NR6A1: variants seen among roughly 807,000 people sequenced by gnomAD.
NR6A1 encodes nuclear receptor subfamily 6 group A member 1, also known as retinoic acid receptor-related testis-associated receptor.
In NR6A1, 7 loss-of-function variants were observed where a neutral mutation model predicts 59.1. That is an observed-to-expected ratio of 0.12 (90% CI 0.07 to 0.22). The LOEUF (loss-of-function observed/expected upper bound fraction) is 0.22. NR6A1 is among the 10% of genes least tolerant of loss of function. NR6A1 has a pLI of 1.00. For synonymous variants in NR6A1, 243 were observed against 236.1 expected, an observed-to-expected ratio of 1.03 and a Z score of -0.27; for missense variants, 468 against 611.6, an observed-to-expected ratio of 0.77 and a Z score of 2.48.
At chr9:124,672,859 CTT>C (rs1837836747) in intron 2 of NR6A1, among the ~76,000 whole-genome samples, 1 of 151,680 alleles carries the variant, frequency 6.6e-6, no homozygotes, top group Admixed American at 6.6e-5. Context: ...GAGGGGCAGA[CTT>C]AATGAATCTT....
intron 2 of NR6A1, among the ~76,000 whole-genome samples, chr9:124,583,890 A>G (rs1834843783): frequency 6.6e-6 from 1 of 152,154 alleles, no homozygotes; most frequent in Non-Finnish European, 1.5e-5. Context: ...TATTGCTATC[A>G]GTATGCCCCG....
chr9:124,554,684 G>A (rs1272816498), intron 2 of NR6A1, 114 bp from the exon 3 acceptor site: 94 of 1,329,324 alleles, frequency 7.1e-5, no homozygotes, highest in Non-Finnish European at 9.8e-5. Context: ...CAGGCTAAAG[G>A]GCAAACAGGG....
chr9:124,710,817 A>G (rs1202773088), intron 2 of NR6A1, among the ~76,000 whole-genome samples: 2 of 152,230 alleles, frequency 1.3e-5, no homozygotes, highest in Non-Finnish European at 2.9e-5. Flanking sequence ...GAAATCTTAC[A>G]GTTCTCAGAA....
intron 2 of NR6A1, among the ~76,000 whole-genome samples, chr9:124,577,632 T>C (rs1344353499): frequency 1.3e-5 from 2 of 152,250 alleles, no homozygotes; most frequent in African/African-American, 4.8e-5. Flanking sequence ...GTAACCTCTA[T>C]ACTACAGCTG....
At chr9:124,682,454 T>G (rs1838196057) in intron 2 of NR6A1, among the ~76,000 whole-genome samples, 1 of 152,224 alleles carries the variant, frequency 6.6e-6, no homozygotes, top group Non-Finnish European at 1.5e-5. Flanking sequence ...AACAGTATAT[T>G]GTAACAGACA....
At chr9:124,540,352 C>T (rs1588650490) in intron 4 of NR6A1, among the ~76,000 whole-genome samples, 165 bp from the exon 5 acceptor site, 1 of 152,214 alleles carries the variant, frequency 6.6e-6, no homozygotes, top group East Asian at 1.9e-4. Context: ...GGCGTGGCTT[C>T]CTTCCTACTG....
At chr9:124,765,224 A>G (rs1840897207) in intron 1 of NR6A1, among the ~76,000 whole-genome samples, 1 of 152,216 alleles carries the variant, frequency 6.6e-6, no homozygotes, top group African/African-American at 2.4e-5. Flanking sequence ...CCCTGAATGA[A>G]AACTACTCCA....
chr9:124,540,928 C>T (rs1833423584), intron 4 of NR6A1, among the ~76,000 whole-genome samples: 1 of 152,096 alleles, frequency 6.6e-6, no homozygotes, highest in African/African-American at 2.4e-5. Context: ...ACATGCCCCG[C>T]CCCCAGCCCC....
intron 2 of NR6A1, chr9:124,595,689 G>T: frequency 1.2e-6 from 1 of 843,576 alleles, no homozygotes; most frequent in Non-Finnish European, 1.7e-6. Flanking sequence ...AAGGCTATTT[G>T]CTCTAAACCT....
intron 2 of NR6A1, among the ~76,000 whole-genome samples, chr9:124,613,393 T>TACC (rs1371263222): frequency 6.6e-6 from 1 of 151,348 alleles, no homozygotes; most frequent in Non-Finnish European, 1.5e-5. Context: ...ACACCTATAA[T>TACC]ACCACCACTT....
At chr9:124,762,283 C>T (rs1285489138) in intron 1 of NR6A1, among the ~76,000 whole-genome samples, 3 of 152,040 alleles carry the variant, frequency 2.0e-5, no homozygotes, top group Non-Finnish European at 4.4e-5. Flanking sequence ...TTTGATAATC[C>T]ATTTAAATTT....
chr9:124,526,440 C>G (rs1423387635), intron 8 of NR6A1, among the ~76,000 whole-genome samples: 1 of 152,040 alleles, frequency 6.6e-6, no homozygotes, highest in African/African-American at 2.4e-5. Context: ...AAACTTGGTA[C>G]ATATTTAAAA....
chr9:124,530,423 C>T (rs1378460863), intron 7 of NR6A1, among the ~76,000 whole-genome samples: 2 of 152,250 alleles, frequency 1.3e-5, no homozygotes, highest in Non-Finnish European at 2.9e-5. Flanking sequence ...GCCTCCTCCA[C>T]ATCTGCCCAC....
intron 2 of NR6A1, among the ~76,000 whole-genome samples, chr9:124,662,187 G>A (rs1837460596): frequency 6.6e-6 from 1 of 152,114 alleles, no homozygotes; most frequent in Non-Finnish European, 1.5e-5. Context: ...AAGACAGGTA[G>A]TCATGGCCAG....
intron 1 of NR6A1, among the ~76,000 whole-genome samples, chr9:124,743,481 G>T (rs1191787857): frequency 6.6e-6 from 1 of 152,102 alleles, no homozygotes; most frequent in African/African-American, 2.4e-5. Context: ...AATCTTAGGG[G>T]GATACTATGC....
Position 124,589,441 on chromosome 9 carries a change from G to A in NR6A1, c.143-34871C>T, listed in dbSNP as rs962933533. ...GGCCTGGGCGAAAGAGCGAGACTCC[G>A]TCTCAAAAACAAACAAACAAAAAAT... On this transcript the variant is annotated intron_variant, in intron 2 of 9. Coordinates refer to ENST00000487099, the MANE Select transcript of NR6A1 (RefSeq NM_033334.4). Among the ~76,000 whole-genome samples, 9 of 152,198 alleles carry A rather than the reference G, an allele frequency of 5.9e-5. No homozygotes were observed. In the East Asian group the frequency reaches 1.5e-3, roughly 26 times the overall value.
chr9:124,742,429 C>T (rs539863316), intron 1 of NR6A1, among the ~76,000 whole-genome samples: 5 of 151,904 alleles, frequency 3.3e-5, no homozygotes, highest in African/African-American at 7.2e-5. Context: ...GGTGTGGTGG[C>T]GCATGCCTGT....
Position 124,647,183 on chromosome 9 carries a change from T to C in NR6A1, c.142+86125A>G, listed in dbSNP as rs574361091. 6.6e-5 allele frequency among the ~76,000 whole-genome samples: 10 copies of C among 152,262 alleles called. No homozygotes were observed. In the East Asian group the frequency reaches 1.5e-3, roughly 24 times the overall value. ...CCTCCTACCTTGGCCTCCCAAAGCA[T>C]TGAGATTACAGGCATGAGCCACAGT... On this transcript the variant is annotated intron_variant, in intron 2 of 9. Transcript: ENST00000487099.
At chr9:124,603,107 C>T (rs1835490149) in intron 2 of NR6A1, among the ~76,000 whole-genome samples, 1 of 152,182 alleles carries the variant, frequency 6.6e-6, no homozygotes, top group South Asian at 2.1e-4. Context: ...CACCCTTCTT[C>T]CCTTCTGCCT....
Sources: allele counts gnomAD v4.1 joint callset (sites outside exome capture counted in the v4.1 genomes callset), GRCh38; gene constraint gnomAD v4.1.1; transcripts MANE v1.5; gene names NCBI Gene and HGNC (gene_info 2026-07-23, HGNC 2026-07-21).